SUGCT: variants seen among roughly 807,000 people sequenced by gnomAD.
The protein encoded by SUGCT is succinyl-CoA:glutarate-CoA transferase.
A neutral mutation model predicts 55.0 loss-of-function variants in SUGCT; 41 were observed. That is an observed-to-expected ratio of 0.74 (90% CI 0.58 to 0.97). The LOEUF (loss-of-function observed/expected upper bound fraction) is 0.97. SUGCT is among the 50% of genes least tolerant of loss of function. The pLI, the probability that SUGCT is intolerant of heterozygous loss-of-function variation, is 0.00. For missense variants in SUGCT, 568 were observed against 547.8 expected (o/e 1.04, Z -0.37); for synonymous variants, 187 against 200.4 (o/e 0.93, Z 0.56).
At chr7:40,682,238 T>C (rs915772101) in intron 12 of SUGCT, among the ~76,000 whole-genome samples, 1 of 152,138 alleles carries the variant, frequency 6.6e-6, no homozygotes, top group African/African-American at 2.4e-5. Context: ...CTGTGTCCCT[T>C]CTCCCATTCC....
intron 8 of SUGCT, among the ~76,000 whole-genome samples, chr7:40,306,712 A>C (rs992717561): frequency 2.0e-5 from 3 of 152,210 alleles, no homozygotes; most frequent in Non-Finnish European, 2.9e-5. Context: ...AGGAATAAAT[A>C]AGCACACTCT....
At chr7:40,511,242 T>A (rs781209490) in intron 12 of SUGCT, among the ~76,000 whole-genome samples, 1 of 152,164 alleles carries the variant, frequency 6.6e-6, no homozygotes, top group Non-Finnish European at 1.5e-5. Flanking sequence ...CTCAATTTCC[T>A]GCCCGAAATG....
At chr7:40,236,250 G>A (rs934178998) in intron 6 of SUGCT, among the ~76,000 whole-genome samples, 1 of 151,660 alleles carries the variant, frequency 6.6e-6, no homozygotes, top group Non-Finnish European at 1.5e-5. Context: ...TAGAGACGGG[G>A]TTTCACTGTG....
At chr7:40,251,094 G>T (rs1337929797) in intron 7 of SUGCT, among the ~76,000 whole-genome samples, 1 of 152,080 alleles carries the variant, frequency 6.6e-6, no homozygotes, top group Non-Finnish European at 1.5e-5. Flanking sequence ...CTCCCAAACT[G>T]CTGGGATTAC....
the SUGCT span, among the ~76,000 whole-genome samples, chr7:40,937,253 C>T: frequency 5.0e-4 from 76 of 152,300 alleles, 1 homozygote; most frequent in South Asian, 4.8e-3. Flanking sequence ...ACTGCAACCT[C>T]TGCCTCCCAG....
At chr7:40,368,829 T>G (rs1784141918) in intron 9 of SUGCT, among the ~76,000 whole-genome samples, 1 of 152,006 alleles carries the variant, frequency 6.6e-6, no homozygotes, top group African/African-American at 2.4e-5. Context: ...TTTGGCTGGG[T>G]GTGGTGGCTG....
At chr7:40,398,483 G>A (rs1785871185) in intron 9 of SUGCT, among the ~76,000 whole-genome samples, 1 of 149,750 alleles carries the variant, frequency 6.7e-6, no homozygotes, top group African/African-American at 2.5e-5. Context: ...CGGTTGGCCA[G>A]AGCAGTAACC....
At chr7:40,792,513 A>G (rs912283995) in intron 13 of SUGCT, among the ~76,000 whole-genome samples, 1 of 152,196 alleles carries the variant, frequency 6.6e-6, no homozygotes, top group African/African-American at 2.4e-5. Flanking sequence ...CGTATTGACC[A>G]GCAACCTATT....
chr7:40,857,262 C>T (rs2128806446), intron 13 of SUGCT, among the ~76,000 whole-genome samples: 1 of 152,030 alleles, frequency 6.6e-6, no homozygotes, highest in East Asian at 1.9e-4. Context: ...TTTTTTGAGC[C>T]CTTTGTTTTC....
At chr7:40,374,453 G>A (rs565968991) in intron 9 of SUGCT, among the ~76,000 whole-genome samples, 2 of 152,246 alleles carry the variant, frequency 1.3e-5, no homozygotes, top group East Asian at 3.9e-4. Flanking sequence ...TTTCCATCAA[G>A]TGGGGACACA....
At chr7:40,857,877 A>C (rs1327084748) in intron 13 of SUGCT, among the ~76,000 whole-genome samples, 1 of 152,090 alleles carries the variant, frequency 6.6e-6, no homozygotes, top group Non-Finnish European at 1.5e-5. Flanking sequence ...AAAATGGTTA[A>C]TTTTATGTTA....
chr7:40,158,093 G>A (rs1783982750), intron 1 of SUGCT, among the ~76,000 whole-genome samples: 1 of 152,054 alleles, frequency 6.6e-6, no homozygotes, highest in Non-Finnish European at 1.5e-5. Context: ...TGTAATCCCA[G>A]CTACTCAGGA....
the SUGCT span, among the ~76,000 whole-genome samples, chr7:40,886,046 G>C: frequency 6.6e-6 from 1 of 152,216 alleles, no homozygotes; most frequent in South Asian, 2.1e-4. Flanking sequence ...GAAAGTGTCA[G>C]TGTTTCATAT....
At chr7:40,294,170 C>T (rs776897209) in intron 8 of SUGCT, among the ~76,000 whole-genome samples, 1 of 152,030 alleles carries the variant, frequency 6.6e-6, no homozygotes, top group Non-Finnish European at 1.5e-5. Flanking sequence ...CTGGTCTTGC[C>T]TACTCCTGAC....
intron 6 of SUGCT, among the ~76,000 whole-genome samples, chr7:40,214,081 G>T (rs1787491290): frequency 6.6e-6 from 1 of 152,124 alleles, no homozygotes; most frequent in African/African-American, 2.4e-5. Context: ...GAACTCAGCG[G>T]TTTGAACCAC....
intron 1 of SUGCT, among the ~76,000 whole-genome samples, chr7:40,179,045 G>T (rs1785055887): frequency 6.6e-6 from 1 of 152,028 alleles, no homozygotes; most frequent in Non-Finnish European, 1.5e-5. Context: ...ACAACAAGCA[G>T]GATTTTGTGA....
the SUGCT span, among the ~76,000 whole-genome samples, chr7:40,959,300 G>A: frequency 2.7e-3 from 418 of 152,354 alleles, 1 homozygote; most frequent in African/African-American, 9.6e-3. Context: ...CTGTCCCAGG[G>A]AGATGGGAGT....
chr7:40,138,697 G>A (rs1306972564), intron 1 of SUGCT, among the ~76,000 whole-genome samples: 1 of 152,030 alleles, frequency 6.6e-6, no homozygotes, highest in Admixed American at 6.6e-5. Context: ...CCATTCTGTT[G>A]TGTGTAAGAT....
chr7:40,705,067 G>A (rs368080502), intron 12 of SUGCT, among the ~76,000 whole-genome samples: 10 of 152,120 alleles, frequency 6.6e-5, no homozygotes, highest in African/African-American at 1.9e-4. Context: ...TTTTATAGTC[G>A]TTTATCAGTT....
Sources: gnomAD v4.1 joint callset for allele counts (sites outside exome capture counted in the v4.1 genomes callset) on GRCh38, gnomAD v4.1.1 for gene constraint, MANE v1.5 for transcripts, NCBI Gene and HGNC (gene_info 2026-07-23, HGNC 2026-07-21) for gene names.